Variants in IFT80 observed in about 807,000 individuals in gnomAD.
The protein encoded by IFT80 is intraflagellar transport protein 80 homolog.
Under a neutral mutation model 107.9 loss-of-function variants are expected in IFT80, and 79 were observed. That is an observed-to-expected ratio of 0.73 (90% confidence interval 0.61 to 0.88). The LOEUF is 0.88. IFT80 is among the 40% of genes least tolerant of loss of function. The pLI is 0.00. For synonymous variants in IFT80, 299 were observed against 300.9 expected (o/e 0.99, Z 0.07); for missense variants, 797 against 914.2 (o/e 0.87, Z 1.65).
intron 13 of IFT80, 72 bp downstream of exon 13, chr3:160,285,732 G>T: frequency 2.0e-6 from 2 of 1,008,096 alleles, no homozygotes; most frequent in Non-Finnish European, 3.0e-6. Context: ...TCTTTAAAAT[G>T]AAAACATTAA....
intron 8 of IFT80, among the ~76,000 whole-genome samples, chr3:160,350,795 C>CA (rs1445162821): frequency 6.6e-6 from 1 of 151,630 alleles, no homozygotes; most frequent in Non-Finnish European, 1.5e-5. Context: ...AGCCTGGCGA[C>CA]AGAGCGAGGC....
intron 8 of IFT80, among the ~76,000 whole-genome samples, chr3:160,328,457 A>T (rs563414522): frequency 8.2e-5 from 10 of 121,292 alleles, no homozygotes; most frequent in Non-Finnish European, 1.7e-5. Flanking sequence ...GGGAGACTCC[A>T]TCTCAAAAAA....
intron 8 of IFT80, chr3:160,343,940 C>G: frequency 5.5e-6 from 1 of 181,082 alleles, no homozygotes; most frequent in Non-Finnish European, 1.2e-5. Flanking sequence ...AATAAATGAA[C>G]AAATTAATAT....
chr3:160,273,025 C>T (rs2108218028), intron 18 of IFT80, among the ~76,000 whole-genome samples: 1 of 152,172 alleles, frequency 6.6e-6, no homozygotes, highest in East Asian at 1.9e-4. Context: ...TCCTGGGGGT[C>T]CTGGAACCAA....
chr3:160,356,170 A>G lies in IFT80; in HGVS notation c.640-20T>C. 2 of 1,609,692 alleles carry G rather than the reference A, an allele frequency of 1.2e-6. No individual in the cohort carries two copies. Among genetic ancestry groups the G allele is most frequent in the Non-Finnish European group, 1.7e-6 (2 of 1,177,306 alleles). Reference sequence around the variant, plus strand: ...CCATACCTACAAAAGCAATTTTTAAAAATCTTTTATAATATCAGGGAGAAG... The same window carrying G: ...CCATACCTACAAAAGCAATTTTTAAGAATCTTTTATAATATCAGGGAGAAG... On this transcript the variant is annotated intron_variant, in intron 7 of 19. Coordinates refer to ENST00000326448, the MANE Select transcript of IFT80 (RefSeq NM_020800.3).
intron 8 of IFT80, among the ~76,000 whole-genome samples, chr3:160,324,614 T>C (rs958785918): frequency 6.6e-6 from 1 of 152,112 alleles, no homozygotes; most frequent in Non-Finnish European, 1.5e-5. Context: ...AAATTAGGTA[T>C]TGATGGGACA....
chr3:160,337,451 C>T (rs1719579606), intron 8 of IFT80, among the ~76,000 whole-genome samples: 2 of 152,088 alleles, frequency 1.3e-5, no homozygotes, highest in East Asian at 1.9e-4. Context: ...TGGTGAAACC[C>T]CATCTACTAA....
chr3:160,376,418 C>T (rs914148743), intron 4 of IFT80, among the ~76,000 whole-genome samples: 10 of 152,146 alleles, frequency 6.6e-5, no homozygotes, highest in Admixed American at 2.0e-4. Flanking sequence ...GGGTGACATC[C>T]GAACATATTT....
chr3:160,334,828 T>C (rs114668598), intron 8 of IFT80, among the ~76,000 whole-genome samples: 2,161 of 152,006 alleles, frequency 0.014, 51 homozygotes, highest in African/African-American at 0.045. Flanking sequence ...TTAAAGACAG[T>C]TTCCTTGTTT....
At chr3:160,383,624 C>T (rs1712695441) in intron 2 of IFT80, 6 of 968,716 alleles carry the variant, frequency 6.2e-6, no homozygotes, top group Non-Finnish European at 7.4e-6. Flanking sequence ...CCCTTACTTT[C>T]AATTTATTTA....
chr3:160,328,781 T>C (rs1483169081), intron 8 of IFT80, among the ~76,000 whole-genome samples: 2 of 152,170 alleles, frequency 1.3e-5, no homozygotes, highest in African/African-American at 2.4e-5. Flanking sequence ...GTGGTACATA[T>C]ATGCCATGAA....
intron 8 of IFT80, among the ~76,000 whole-genome samples, chr3:160,345,558 G>C (rs1720226578): frequency 6.6e-6 from 1 of 152,012 alleles, no homozygotes; most frequent in Non-Finnish European, 1.5e-5. Flanking sequence ...GCCAGGTATG[G>C]TGGCAGGCAA....
At chr3:160,353,903 C>T (rs1048725268) in intron 8 of IFT80, among the ~76,000 whole-genome samples, 11 of 151,970 alleles carry the variant, frequency 7.2e-5, no homozygotes, top group Non-Finnish European at 1.3e-4. Context: ...CTAAATAAAA[C>T]GACTAGATGC....
At chr3:160,361,018 C>G (rs757136579) in intron 6 of IFT80, among the ~76,000 whole-genome samples, 11 of 152,186 alleles carry the variant, frequency 7.2e-5, no homozygotes, top group Non-Finnish European at 1.2e-4. Context: ...ATCAAATTCA[C>G]ACATAACAAT....
chr3:160,272,989 G>C (rs1453567387), intron 18 of IFT80, among the ~76,000 whole-genome samples: 3 of 152,132 alleles, frequency 2.0e-5, no homozygotes, highest in African/African-American at 7.2e-5. Context: ...TTTATACGAA[G>C]AACTTGAGCA....
At chr3:160,383,345 C>T in intron 2 of IFT80, 2 of 517,200 alleles carry the variant, frequency 3.9e-6, no homozygotes, top group Non-Finnish European at 5.0e-6. Context: ...TTTGAAAAGA[C>T]AGTAAAAACT....
At chr3:160,312,651 A>G (rs1717384095) in intron 9 of IFT80, among the ~76,000 whole-genome samples, 1 of 51,994 alleles carries the variant, frequency 1.9e-5, no homozygotes, top group African/African-American at 9.1e-5. Flanking sequence ...TATATTATAT[A>G]TAAATATATA....
intron 12 of IFT80, among the ~76,000 whole-genome samples, chr3:160,297,746 C>T (rs1576769816): frequency 6.6e-6 from 1 of 151,960 alleles, no homozygotes; most frequent in Admixed American, 6.6e-5. Context: ...CATAGCTATG[C>T]AAACTAATAA....
intron 8 of IFT80, among the ~76,000 whole-genome samples, chr3:160,323,057 A>T (rs1396579043): frequency 4.6e-5 from 7 of 151,368 alleles, no homozygotes; most frequent in Non-Finnish European, 7.4e-5. Context: ...CCCATTTGTC[A>T]ATTTTGGCTT....
Sources: gnomAD v4.1 joint callset for allele counts (sites outside exome capture counted in the v4.1 genomes callset) on GRCh38, gnomAD v4.1.1 for gene constraint, MANE v1.5 for transcripts, NCBI Gene and HGNC (gene_info 2026-07-23, HGNC 2026-07-21) for gene names.